Variants in CCDC146 observed in about 807,000 individuals in gnomAD.
The protein encoded by CCDC146 is coiled-coil domain-containing protein 146.
Under a neutral mutation model 119.3 loss-of-function variants are expected in CCDC146, and 92 were observed. That is an observed-to-expected ratio of 0.77 (90% CI 0.65 to 0.92). The LOEUF is 0.92. CCDC146 is among the 40% of genes least tolerant of loss of function. The pLI, the probability that CCDC146 is intolerant of heterozygous loss-of-function variation, is 0.00. For missense variants in CCDC146, 1,000 were observed against 1,103.0 expected (o/e 0.91, Z 1.32); for synonymous variants, 372 against 371.8 (o/e 1.00, Z -0.01).
intron 2 of CCDC146, among the ~76,000 whole-genome samples, chr7:77,214,235 G>A (rs1792257106): frequency 6.6e-6 from 1 of 152,008 alleles, no homozygotes; most frequent in South Asian, 2.1e-4. Context: ...TCATATGATT[G>A]TTTACTCATA....
chr7:77,279,109 TTATAA>T lies in CCDC146; in HGVS notation c.1694+11_1694+15del, dbSNP rs1793713513. 6.2e-7 allele frequency: 1 copy of T among 1,608,222 alleles called. No individual in the cohort carries two copies. Reference sequence around the variant, plus strand: ...TGCCGTTAGTCAAGAAAGGTAAGTGTTATAATAACTATTGGCCTTTCAAAGGCTTG... The same window carrying T: ...TGCCGTTAGTCAAGAAAGGTAAGTGTTAACTATTGGCCTTTCAAAGGCTTG... On this transcript the variant is annotated intron_variant, in intron 13 of 18. Coordinates refer to ENST00000285871, the MANE Select transcript of CCDC146 (RefSeq NM_020879.3).
At chr7:77,205,082 T>G (rs1792058898) in intron 2 of CCDC146, among the ~76,000 whole-genome samples, 1 of 152,158 alleles carries the variant, frequency 6.6e-6, no homozygotes, top group Admixed American at 6.5e-5. Flanking sequence ...GATCTTAAGC[T>G]TCTTCTTATA....
At chr7:77,209,117 T>C (rs1378739712) in intron 2 of CCDC146, among the ~76,000 whole-genome samples, 2 of 152,194 alleles carry the variant, frequency 1.3e-5, no homozygotes, top group African/African-American at 2.4e-5. Flanking sequence ...CATTCCAACA[T>C]TAACTCAAAA....
chr7:77,268,420 C>T (rs3108441), intron 9 of CCDC146, among the ~76,000 whole-genome samples: 150,352 of 152,312 alleles, frequency 0.99, 74,214 homozygotes, highest in East Asian at 1. Context: ...CTCCTGGATA[C>T]CAGGGGCTGC....
intron 4 of CCDC146, among the ~76,000 whole-genome samples, chr7:77,246,978 T>A (rs3114309): frequency 0.74 from 113,073 of 152,088 alleles, 46,182 homozygotes; most frequent in Non-Finnish European, 0.9. Context: ...GAAAACCTTG[T>A]AAATAGCTAT....
At chr7:77,267,281 T>C (rs3108438) in intron 9 of CCDC146, among the ~76,000 whole-genome samples, 133,646 of 151,672 alleles carry the variant, frequency 0.88, 59,146 homozygotes, top group East Asian at 0.98. Flanking sequence ...GTGTGAGCCA[T>C]CGCGCCTGGC....
In CCDC146 at chr7:77,258,864, A is replaced by T. The variant is rs1793233031; in HGVS notation, c.685-131A>T. ...GTCACCGTGAGTATTAAATGGGATA[A>T]TTAAAGCACACAGGGCAGATGGTAA... On this transcript the variant is annotated intron_variant, in intron 6 of 18. Transcript: ENST00000285871. The T allele has an allele frequency of 1.1e-5, 7 of 643,718 alleles. No homozygotes were observed. In the Admixed American group the frequency reaches 2.0e-4, roughly 18 times the overall value. 39.9% of individuals were successfully genotyped at this position (643,718 alleles called of 1,614,324 possible). A position where few individuals can be genotyped will look rare whatever the true frequency, so the allele number is the denominator to read the frequency against.
At chr7:77,172,020 T>G (rs925731922) in intron 2 of CCDC146, among the ~76,000 whole-genome samples, 8 of 152,220 alleles carry the variant, frequency 5.3e-5, no homozygotes, top group Admixed American at 6.5e-5. Flanking sequence ...ATCCAAGAGC[T>G]TTCAATAATC....
chr7:77,223,757 T>C (rs980632457), intron 2 of CCDC146, among the ~76,000 whole-genome samples: 1 of 152,220 alleles, frequency 6.6e-6, no homozygotes, highest in Non-Finnish European at 1.5e-5. Flanking sequence ...ATTAAACACT[T>C]ATAGGATGTC....
In CCDC146 at chr7:77,225,553, T is replaced by TA. The variant is rs1343190749; in HGVS notation, c.157-11383dup. Among the ~76,000 whole-genome samples the TA allele has an allele frequency of 5.9e-3, 839 of 141,680 alleles. 2 individuals carry two copies. The highest frequency in any genetic ancestry group is 7.4e-3 in the Middle Eastern group (2 of 272). 92.9% of individuals were successfully genotyped at this position (141,680 alleles called of 152,430 possible). ...TGGGCAACAGAGCAAGACTTTGCCT[T>TA]AAAAAAAAAAACAAAAACTAGCAGA... is the stretch of plus-strand genomic sequence containing the variant. On this transcript the variant is annotated intron_variant, in intron 2 of 18. Transcript: ENST00000285871.
chr7:77,268,020 T>C (rs1793440383), intron 9 of CCDC146, among the ~76,000 whole-genome samples: 1 of 152,110 alleles, frequency 6.6e-6, no homozygotes, highest in South Asian at 2.1e-4. Context: ...GGAGTCTCAA[T>C]AGAGGGTATT....
chr7:77,249,815 G>A (rs1318426529), intron 4 of CCDC146, among the ~76,000 whole-genome samples: 3 of 152,108 alleles, frequency 2.0e-5, no homozygotes, highest in South Asian at 2.1e-4. Flanking sequence ...GATTACTGTT[G>A]TAGTTGGGTT....
At chr7:77,262,365 A>C in intron 9 of CCDC146, 58 bp downstream of exon 9, 1 of 1,389,224 alleles carries the variant, frequency 7.2e-7, no homozygotes, top group Non-Finnish European at 9.6e-7. Context: ...TTGAAGTAAA[A>C]ATATTTTAGG....
rs1321157587 is a variant in CCDC146 at position 77,282,796 on chromosome 7, G to A, written c.2148+11G>A. ...GTGCTCCAAATTCAGGTGGGTGAGT[G>A]ATCACGGGACACTTCCTCAGACCAT... is the stretch of plus-strand genomic sequence containing the variant. On this transcript the variant is annotated intron_variant, in intron 15 of 18. Coordinates refer to ENST00000285871, the MANE Select transcript of CCDC146 (RefSeq NM_020879.3). The A allele has an allele frequency of 6.3e-7, 1 of 1,584,828 alleles. No homozygotes were observed. The highest frequency in any genetic ancestry group is 8.7e-7 in the Non-Finnish European group (1 of 1,153,802).
chr7:77,154,493 C>T (rs1010402816), intron 1 of CCDC146, among the ~76,000 whole-genome samples: 4 of 133,536 alleles, frequency 3.0e-5, no homozygotes, highest in Non-Finnish European at 4.7e-5. Flanking sequence ...GTGTGATGTT[C>T]CCCTTCCTGT....
At chr7:77,192,401 G>A (rs1347257266) in intron 2 of CCDC146, among the ~76,000 whole-genome samples, 1 of 152,160 alleles carries the variant, frequency 6.6e-6, no homozygotes, top group African/African-American at 2.4e-5. Flanking sequence ...AAACCAGGAA[G>A]GCCAGCTCCT....
At chr7:77,258,914 C>A in intron 6 of CCDC146, 81 bp from the exon 7 acceptor site, 1 of 898,010 alleles carries the variant, frequency 1.1e-6, no homozygotes. Context: ...TAGTTCCTTT[C>A]TCTCTCATAT....
At chr7:77,278,225 C>T (rs563262693) in intron 11 of CCDC146, among the ~76,000 whole-genome samples, 1 of 152,254 alleles carries the variant, frequency 6.6e-6, no homozygotes, top group Admixed American at 6.5e-5. Flanking sequence ...TTCAAAATCA[C>T]TCTTCCTCTC....
intron 2 of CCDC146, among the ~76,000 whole-genome samples, chr7:77,206,620 G>C (rs73371590): frequency 0.016 from 2,458 of 149,276 alleles, 69 homozygotes; most frequent in African/African-American, 0.056. Context: ...GTGACAAAGC[G>C]AAACTCTGTC....
Sources: gnomAD v4.1 joint callset for allele counts (sites outside exome capture counted in the v4.1 genomes callset) on GRCh38, gnomAD v4.1.1 for gene constraint, MANE v1.5 for transcripts, NCBI Gene and HGNC (gene_info 2026-07-23, HGNC 2026-07-21) for gene names.